The following NTNG2 variants were observed in gnomAD, a reference collection of about 807,000 sequenced individuals.
NTNG2 encodes the protein netrin G2, also known as netrin-G2.
In NTNG2, 15 loss-of-function variants were observed where a neutral mutation model predicts 47.6. The ratio of observed to expected loss-of-function variants is 0.32; its 90% CI spans 0.21 to 0.49. The LOEUF (loss-of-function observed/expected upper bound fraction) is 0.49, where lower values mean the gene tolerates loss of function less well. Ranked by LOEUF, NTNG2 falls within the 20% of genes least tolerant of loss-of-function variation. The pLI is 0.99. For missense variants in NTNG2, 578 were observed against 764.6 expected, an observed-to-expected ratio of 0.76 and a Z score of 2.88; for synonymous variants, 307 against 324.6, an observed-to-expected ratio of 0.95 and a Z score of 0.58.
intron 4 of NTNG2, among the ~76,000 whole-genome samples, chr9:132,229,292 C>T (rs945011522): frequency 6.6e-6 from 1 of 152,172 alleles, no homozygotes; most frequent in Non-Finnish European, 1.5e-5. Context: ...CCTACCGTGA[C>T]CCCTCCTCAG....
At chr9:132,234,748 C>A (rs549001473) in intron 5 of NTNG2, among the ~76,000 whole-genome samples, 3 of 152,278 alleles carry the variant, frequency 2.0e-5, no homozygotes, top group Non-Finnish European at 4.4e-5. Flanking sequence ...CTGGCTTTCT[C>A]ATGGCTCTAA....
rs776272173 is a variant in NTNG2 at position 132,166,981 on chromosome 9, C to T, written c.150C>T (p.Val50=). ...QPKVMRLKDY[V]KVKVEPSGIT... Reference sequence around the variant, plus strand: ...AGGTGATGCGCCTGAAGGACTACGTCAAGGTGAAGGTGGAGCCCTCAGGCA... The same window carrying T: ...AGGTGATGCGCCTGAAGGACTACGTTAAGGTGAAGGTGGAGCCCTCAGGCA... The change falls in exon 2 of 8, where the codon GTC becomes GTT. Residue 50 remains valine, a synonymous_variant. Coordinates refer to ENST00000393229, the MANE Select transcript of NTNG2 (RefSeq NM_032536.4). 1 of 1,614,256 alleles carries T rather than the reference C, an allele frequency of 6.2e-7. No individual in the cohort carries two copies. The highest frequency in any genetic ancestry group is 8.5e-7 in the Non-Finnish European group (1 of 1,180,050).
intron 5 of NTNG2, among the ~76,000 whole-genome samples, chr9:132,238,269 G>A (rs1841763714): frequency 6.6e-6 from 1 of 152,186 alleles, no homozygotes; most frequent in African/African-American, 2.4e-5. Flanking sequence ...CAATCCCTGA[G>A]AGCCTTGCCC....
intron 5 of NTNG2, 115 bp from the exon 6 acceptor site, chr9:132,238,989 C>A (rs1841819124): frequency 9.0e-7 from 1 of 1,115,844 alleles, no homozygotes; most frequent in Non-Finnish European, 1.3e-6. Context: ...GTACCTTTTC[C>A]AAAGATGCCT....
chr9:132,211,282 G>A (rs1167262855), intron 3 of NTNG2, among the ~76,000 whole-genome samples: 1 of 152,164 alleles, frequency 6.6e-6, no homozygotes, highest in East Asian at 1.9e-4. Flanking sequence ...AGGTCCCAAG[G>A]TGGACCCCCT....
chr9:132,208,853 C>G lies in NTNG2; in HGVS notation c.857+10244C>G, dbSNP rs888274787. Among the ~76,000 whole-genome samples, 2 of 151,754 alleles carry G rather than the reference C, an allele frequency of 1.3e-5. No individual in the cohort carries two copies. Among genetic ancestry groups the G allele is most frequent in the Non-Finnish European group, 2.9e-5 (2 of 68,032 alleles). Reference sequence around the variant, plus strand: ...CCACCACAGCCTGGGCCCACAACAGCCCGTCTCTCCAAGAACTCCCGTCCC... The same window carrying G: ...CCACCACAGCCTGGGCCCACAACAGGCCGTCTCTCCAAGAACTCCCGTCCC... On this transcript the variant is annotated intron_variant, in intron 3 of 7. Transcript: ENST00000393229. This position sits in a 1 kb window ranked among gnomAD's most constrained non-coding sequence, Gnocchi z 4.0.
chr9:132,187,937 G>A (rs1436135671), intron 2 of NTNG2, among the ~76,000 whole-genome samples: 4 of 152,204 alleles, frequency 2.6e-5, no homozygotes, highest in African/African-American at 9.7e-5. Context: ...TGTGAACGGG[G>A]AAACCAAGGC....
rs78252057 is a variant in NTNG2 at position 132,206,194 on chromosome 9, C to T, written c.857+7585C>T. On this transcript the variant is annotated intron_variant, in intron 3 of 7. Coordinates refer to ENST00000393229, the MANE Select transcript of NTNG2 (RefSeq NM_032536.4). ...ACTGGGGCCTATGGGCTCTTAGGAGCGCAAAGGGTGGGTTTCAATCATCCA... is the reference window on the plus strand; with the variant it reads ...ACTGGGGCCTATGGGCTCTTAGGAGTGCAAAGGGTGGGTTTCAATCATCCA... 6.1e-3 allele frequency among the ~76,000 whole-genome samples: 925 copies of T among 152,222 alleles called. 14 individuals carry two copies. The highest frequency in any genetic ancestry group is 0.021 in the African/African-American group (884 of 41,528).
intron 5 of NTNG2, 21 bp downstream of exon 5, chr9:132,230,616 G>T (rs1841133452): frequency 6.2e-7 from 1 of 1,602,672 alleles, no homozygotes; most frequent in East Asian, 2.2e-5. Flanking sequence ...GCCTGGGGAG[G>T]GTGGCCAGGG....
At chr9:132,229,494 G>A (rs1841037387) in intron 4 of NTNG2, among the ~76,000 whole-genome samples, 1 of 152,118 alleles carries the variant, frequency 6.6e-6, no homozygotes, top group African/African-American at 2.4e-5. Flanking sequence ...CACCTGGCCA[G>A]CCCATCACCC....
chr9:132,167,824 C>T lies in NTNG2; in HGVS notation c.213+780C>T, dbSNP rs532219271. Among the ~76,000 whole-genome samples the T allele has an allele frequency of 5.9e-5, 9 of 152,226 alleles. No homozygotes were observed. In the South Asian group the frequency reaches 8.3e-4, roughly 14 times the overall value. ...GTGCGAGCTGTCTGAGTGTGTGGGC[C>T]GAGCCTGATGCCATTGCGAGGAGTC... is the stretch of plus-strand genomic sequence containing the variant. On this transcript the variant is annotated intron_variant, in intron 2 of 7. Transcript: ENST00000393229.
At chr9:132,237,599 A>G (rs1046861972) in intron 5 of NTNG2, among the ~76,000 whole-genome samples, 7 of 152,190 alleles carry the variant, frequency 4.6e-5, no homozygotes, top group South Asian at 2.1e-4. Flanking sequence ...AAGACGGTGC[A>G]GGATAGAGGA....
rs985919876 is a variant in NTNG2, at chr9:132,162,122, C to T, written c.-601C>T. The T allele has an allele frequency of 2.0e-5, 3 of 151,836 alleles. No individual in the cohort carries two copies. Among genetic ancestry groups the T allele is most frequent in the African/African-American group, 7.3e-5 (3 of 41,214 alleles). The allele number at this position is 151,836 out of a possible 1,614,324, so 9.4% of individuals were successfully genotyped here. A position where few individuals can be genotyped will look rare whatever the true frequency, so the allele number is the denominator to read the frequency against. On this transcript the variant is annotated 5_prime_UTR_variant, in exon 1 of 8. Coordinates refer to ENST00000393229, the MANE Select transcript of NTNG2 (RefSeq NM_032536.4). The surrounding 1 kb of genome is among the most constrained non-coding windows in gnomAD (Gnocchi z 4.6). ...GCGGCGCGGGGAAGGAGCAGCGGCT[C>T]GCAGCCCTCGGCCCGCGCCCCCACC...
At chr9:132,178,961 CAA>C (rs33967810) in intron 2 of NTNG2, among the ~76,000 whole-genome samples, 3,035 of 82,324 alleles carry the variant, frequency 0.037, 104 homozygotes, top group East Asian at 0.13. Flanking sequence ...GACTCGGTCT[CAA>C]AAAAAAAAAA....
rs1835522112 is a variant in NTNG2 at position 132,166,758 on chromosome 9, C to A, written c.-74C>A. On this transcript the variant is annotated 5_prime_UTR_variant, in exon 2 of 8. Coordinates refer to ENST00000393229, the MANE Select transcript of NTNG2 (RefSeq NM_032536.4). ...TAGATGTGGCATTTCCATGCTGAGGCCGCGAGTCCCGCCTGACCCCGTCGC... is the reference window on the plus strand; with the variant it reads ...TAGATGTGGCATTTCCATGCTGAGGACGCGAGTCCCGCCTGACCCCGTCGC... 7.0e-6 allele frequency: 10 copies of A among 1,431,116 alleles called. No individual in the cohort carries two copies. The Admixed American group carries it at 1.7e-4, about 24-fold the overall frequency. The allele number at this position is 1,431,116 out of a possible 1,614,324, so 88.7% of individuals were successfully genotyped here. A position where few individuals can be genotyped will look rare whatever the true frequency, so the allele number is the denominator to read the frequency against.
rs1174640490 is a variant in NTNG2, at chr9:132,208,418, G to A, written c.857+9809G>A. Among the ~76,000 whole-genome samples the A allele has an allele frequency of 1.3e-5, 2 of 152,206 alleles. No individual in the cohort carries two copies. Among genetic ancestry groups the A allele is most frequent in the Admixed American group, 6.5e-5 (1 of 15,284 alleles). ...GGAGGGCTACAGGCAGGGGAGAGGT[G>A]TGATCTGATTTCCGGTGTTTGGAAA... On this transcript the variant is annotated intron_variant, in intron 3 of 7. Coordinates refer to ENST00000393229, the MANE Select transcript of NTNG2 (RefSeq NM_032536.4). The surrounding 1 kb of genome is among the most constrained non-coding windows in gnomAD (Gnocchi z 4.0).
chr9:132,224,429 C>T (rs756562871), intron 3 of NTNG2, among the ~76,000 whole-genome samples: 29 of 152,052 alleles, frequency 1.9e-4, no homozygotes, highest in South Asian at 1.2e-3. Context: ...ATGGTTTCAC[C>T]GCCCTAAAAA....
At chr9:132,179,671 ACC>A (rs1836780820) in intron 2 of NTNG2, among the ~76,000 whole-genome samples, 1 of 152,210 alleles carries the variant, frequency 6.6e-6, no homozygotes, top group Admixed American at 6.5e-5. Context: ...TGTGCAAAGC[ACC>A]CCATGTGTGC....
At position 132,162,567 on chromosome 9, in the gene NTNG2, AGAGT is replaced by A. The variant is rs1377443614; in HGVS notation, c.-484+330_-484+333del. ...GTGTGTGTGTGTGTGAGAGAGAGACAGAGTGTGTGTGTGTGTGTGTGTGTGTGTG... is the reference window on the plus strand; with the variant it reads ...GTGTGTGTGTGTGTGAGAGAGAGACAGTGTGTGTGTGTGTGTGTGTGTGTG... On this transcript the variant is annotated intron_variant, in intron 1 of 7. Transcript: ENST00000393229. The surrounding 1 kb of genome is among the most constrained non-coding windows in gnomAD (Gnocchi z 4.6). 6.9e-5 allele frequency among the ~76,000 whole-genome samples: 7 copies of A among 101,686 alleles called. No individual in the cohort carries two copies. Among genetic ancestry groups the A allele is most frequent in the African/African-American group, 1.8e-4 (5 of 27,400 alleles). 66.7% of individuals were successfully genotyped at this position (101,686 alleles called of 152,430 possible).
Sources: allele counts gnomAD v4.1 joint callset (sites outside exome capture counted in the v4.1 genomes callset), GRCh38; gene constraint gnomAD v4.1.1; non-coding constraint Gnocchi (gnomAD v3.1); transcripts MANE v1.5; gene names NCBI Gene and HGNC (gene_info 2026-07-23, HGNC 2026-07-21).